Variants in CD101 observed in about 807,000 individuals in gnomAD.
CD101 encodes the protein immunoglobulin superfamily member 2.
A neutral mutation model predicts 98.2 loss-of-function variants in CD101; 76 were observed. That is an observed-to-expected ratio of 0.77 (90% CI 0.64 to 0.94). The LOEUF is 0.94. Ranked by LOEUF, CD101 falls within the 40% of genes least tolerant of loss-of-function variation. The pLI, the probability that CD101 is intolerant of heterozygous loss-of-function variation, is 0.00. For synonymous variants in CD101, 471 were observed against 472.7 expected (o/e 1.00, Z 0.05); for missense variants, 1,145 against 1,218.8 (o/e 0.94, Z 0.90).
intron 1 of CD101, among the ~76,000 whole-genome samples, chr1:117,007,284 C>T (rs867892648): frequency 2.0e-5 from 3 of 152,154 alleles, no homozygotes; most frequent in South Asian, 2.1e-4. Context: ...ACCCAGCCCG[C>T]AGTGTGCCCC....
chr1:117,027,836 C>T (rs1413764039), intron 8 of CD101, among the ~76,000 whole-genome samples: 1 of 152,182 alleles, frequency 6.6e-6, no homozygotes, highest in African/African-American at 2.4e-5. Context: ...GTAATCCCAG[C>T]ACTTTAGGAG....
In CD101 at chr1:117,012,468, CCA is replaced by C. The variant is rs1652947219; in HGVS notation, c.841+503_841+504del. 6.6e-6 allele frequency among the ~76,000 whole-genome samples: 1 copy of C among 152,220 alleles called. No individual in the cohort carries two copies. The highest frequency in any genetic ancestry group is 2.1e-4 in the South Asian group (1 of 4,830). ...CAGACAGCTGGGCCTCAAAGTAGCT[CCA>C]GTTTCCAACATGAAGCCTTGTCTTC... On this transcript the variant is annotated intron_variant, in intron 3 of 9. Coordinates refer to ENST00000682167, the MANE Select transcript of CD101 (RefSeq NM_001256106.3). The surrounding 1 kb of genome is among the most constrained non-coding windows in gnomAD (Gnocchi z 4.0).
Position 117,006,580 on chromosome 1 carries a change from C to T in CD101, c.44-3270C>T, listed in dbSNP as rs1471205781. Among the ~76,000 whole-genome samples the T allele has an allele frequency of 1.3e-5, 2 of 152,218 alleles. No individual in the cohort carries two copies. The highest frequency in any genetic ancestry group is 3.9e-4 in the East Asian group (2 of 5,180). On this transcript the variant is annotated intron_variant, in intron 1 of 9. Transcript: ENST00000682167. This position sits in a 1 kb window ranked among gnomAD's most constrained non-coding sequence, Gnocchi z 4.4. The stretch of plus-strand genomic sequence containing the variant: ...TTTTGAGTAAGTCTTTTGATTCCTA[C>T]TCAGAGTCTTGCCATGAAATCTCCT...
intron 8 of CD101, among the ~76,000 whole-genome samples, chr1:117,029,179 GA>G (rs1385777833): frequency 0.016 from 1,555 of 97,264 alleles, 97 homozygotes; most frequent in African/African-American, 0.041. Flanking sequence ...AAGAAAGAAA[GA>G]AAGAAAGAAA....
rs1557768150 is a variant in CD101, at chr1:117,013,454, G to C, written c.890G>C (p.Gly297Ala). Residue 297 changes from glycine to alanine, a missense_variant, in exon 4 of 10, where the codon GGG (glycine) becomes GCG (alanine). Coordinates refer to ENST00000682167, the MANE Select transcript of CD101 (RefSeq NM_001256106.3). ...NITADSLFAE[G>A]KPLELVCLVV... Reference sequence around the variant, plus strand: ...ACAGCTGACAGCTTGTTTGCTGAAGGGAAACCCTTAGAACTGGTTTGCCTG... The same window carrying C: ...ACAGCTGACAGCTTGTTTGCTGAAGCGAAACCCTTAGAACTGGTTTGCCTG... 6.2e-6 allele frequency: 10 copies of C among 1,612,764 alleles called. No homozygotes were observed. The highest frequency in any genetic ancestry group is 7.6e-6 in the Non-Finnish European group (9 of 1,179,372).
Position 117,018,098 on chromosome 1 carries a change from A to G in CD101, c.1613-58A>G. ...GAGGTGGCAACTAGAAAAACTTGAA[A>G]GTGCTATATTTTAATCTGGTAAATA... On this transcript the variant is annotated intron_variant, in intron 5 of 9. Transcript: ENST00000682167. This position sits in a 1 kb window ranked among gnomAD's most constrained non-coding sequence, Gnocchi z 4.3. 1 of 1,444,028 alleles carries G rather than the reference A, an allele frequency of 6.9e-7. No homozygotes were observed. The highest frequency in any genetic ancestry group is 9.3e-7 in the Non-Finnish European group (1 of 1,080,132). The allele number at this position is 1,444,028 out of a possible 1,614,324, so 89.5% of individuals were successfully genotyped here.
intron 8 of CD101, among the ~76,000 whole-genome samples, chr1:117,029,187 GAAA>G (rs1654186191): frequency 4.3e-5 from 4 of 92,844 alleles, no homozygotes; most frequent in Non-Finnish European, 6.3e-5. Context: ...AAGAAAGAAA[GAAA>G]GAAAGAAAGA....
chr1:117,017,565 G>T (rs895518521), intron 5 of CD101, 92 bp downstream of exon 5: 11 of 1,267,204 alleles, frequency 8.7e-6, no homozygotes, highest in Admixed American at 2.0e-5. Context: ...GAATCCCCCA[G>T]TGATGGTATG....
In CD101 at chr1:117,021,545, A is replaced by G. The variant is rs1228835930; in HGVS notation, c.2018-28A>G. ...ACCTTAACTTTCTATTTCATAGCAA[A>G]GTAACTGTTTCATTTTTTTAAATTT... is the stretch of plus-strand genomic sequence containing the variant. On this transcript the variant is annotated intron_variant, in intron 6 of 9. Transcript: ENST00000682167. This position sits in a 1 kb window ranked among gnomAD's most constrained non-coding sequence, Gnocchi z 4.7. 6.5e-7 allele frequency: 1 copy of G among 1,535,056 alleles called. No individual in the cohort carries two copies. The highest frequency in any genetic ancestry group is 1.4e-5 in the African/African-American group (1 of 72,082).
chr1:117,035,945 CAGAGAAT>C (rs1654795524), intron 9 of CD101, among the ~76,000 whole-genome samples: 1 of 152,070 alleles, frequency 6.6e-6, no homozygotes, highest in Admixed American at 6.5e-5. Context: ...TGAGCCTGGG[CAGAGAAT>C]CTTGGATGGA....
Position 117,011,962 on chromosome 1 carries a change from A to G in CD101, c.837A>G (p.Pro279=), listed in dbSNP as rs764920559. 1 of 1,609,974 alleles carries G rather than the reference A, an allele frequency of 6.2e-7. No homozygotes were observed. Among genetic ancestry groups the G allele is most frequent in the South Asian group, 1.1e-5 (1 of 90,872 alleles). The change falls in exon 3 of 10, where the codon CCA becomes CCG. Residue 279 remains proline, a synonymous_variant. Transcript: ENST00000682167. ...QTDQTTLRIQ[P]AVKDFQVNIT... is the part of the protein sequence containing the mutation. ...ATCAAACCACTCTGAGGATCCAGCCAGCAGGTAATTATCTTCCTACGAAAT... is the reference window on the plus strand; with the variant it reads ...ATCAAACCACTCTGAGGATCCAGCCGGCAGGTAATTATCTTCCTACGAAAT...
At position 117,019,186 on chromosome 1, in the gene CD101, C is replaced by T. The variant is rs116776505; in HGVS notation, c.2017+626C>T. 7.8e-3 allele frequency among the ~76,000 whole-genome samples: 1,192 copies of T among 152,254 alleles called. 9 individuals carry two copies. The highest frequency in any genetic ancestry group is 0.027 in the African/African-American group (1,126 of 41,540). ...TCTCTTAGGAAGAGTGATGGAGAGA[C>T]GTTGGAGTCATTTAGATCTGACAGT... On this transcript the variant is annotated intron_variant, in intron 6 of 9. Transcript: ENST00000682167. The surrounding 1 kb of genome is among the most constrained non-coding windows in gnomAD (Gnocchi z 4.3).
In CD101 at chr1:117,023,440, C is replaced by T. The variant is rs536222659; in HGVS notation, c.2428+1457C>T. ...CTTCTTCTTTTTCTTTTTTTTTAGA[C>T]GGAGTCTTGCTCTGTTGCTCAGGCT... On this transcript the variant is annotated intron_variant, in intron 7 of 9. Coordinates refer to ENST00000682167, the MANE Select transcript of CD101 (RefSeq NM_001256106.3). This position sits in a 1 kb window ranked among gnomAD's most constrained non-coding sequence, Gnocchi z 4.4. Among the ~76,000 whole-genome samples, 4 of 151,878 alleles carry T rather than the reference C, an allele frequency of 2.6e-5. No individual in the cohort carries two copies. The highest frequency in any genetic ancestry group is 2.1e-4 in the South Asian group (1 of 4,814).
chr1:117,033,764 T>C lies in CD101; in HGVS notation c.2825-96T>C, dbSNP rs998495836. 4 of 1,527,620 alleles carry C rather than the reference T, an allele frequency of 2.6e-6. No homozygotes were observed. Among genetic ancestry groups the C allele is most frequent in the African/African-American group, 1.4e-5 (1 of 72,722 alleles). 94.6% of individuals were successfully genotyped at this position (1,527,620 alleles called of 1,614,324 possible). On this transcript the variant is annotated intron_variant, in intron 8 of 9. Transcript: ENST00000682167. This position sits in a 1 kb window ranked among gnomAD's most constrained non-coding sequence, Gnocchi z 4.8. ...TATTTGGCCCCATTATTTTTACATA[T>C]ACTTGCCTATAACAATAAATCCCAG... is the stretch of plus-strand genomic sequence containing the variant.
intron 8 of CD101, among the ~76,000 whole-genome samples, chr1:117,029,797 A>G (rs904632815): frequency 4.6e-5 from 7 of 152,196 alleles, no homozygotes; most frequent in African/African-American, 1.7e-4. Context: ...TTTTAGGGCC[A>G]CACAATAGGA....
Position 117,010,007 on chromosome 1 carries a change from C to T in CD101, c.201C>T (p.Thr67=), listed in dbSNP as rs1553185170. The T allele has an allele frequency of 6.2e-7, 1 of 1,614,176 alleles. No individual in the cohort carries two copies. The highest frequency in any genetic ancestry group is 8.5e-7 in the Non-Finnish European group (1 of 1,180,032). ...CTGTTTACCTGCCGACAAACCCGAC[C>T]CAGGAAGTCCAGATCATTAGCACCA... ...QWSVYLPTNP[T]QEVQIISTKD... is the part of the protein sequence containing the mutation. The change falls in exon 2 of 10, where the codon ACC becomes ACT. Residue 67 remains threonine (T), a synonymous_variant. Coordinates refer to ENST00000682167, the MANE Select transcript of CD101 (RefSeq NM_001256106.3). This position sits in a 1 kb window ranked among gnomAD's most constrained non-coding sequence, Gnocchi z 5.2.
In CD101 at chr1:117,006,578, T is replaced by TA. The variant is rs1396488782; in HGVS notation, c.44-3271dup. On this transcript the variant is annotated intron_variant, in intron 1 of 9. Transcript: ENST00000682167. The surrounding 1 kb of genome is among the most constrained non-coding windows in gnomAD (Gnocchi z 4.4). ...AATTTTGAGTAAGTCTTTTGATTCCTACTCAGAGTCTTGCCATGAAATCTC... is the reference window on the plus strand; with the variant it reads ...AATTTTGAGTAAGTCTTTTGATTCCTAACTCAGAGTCTTGCCATGAAATCTC... Among the ~76,000 whole-genome samples, 1 of 152,164 alleles carries TA rather than the reference T, an allele frequency of 6.6e-6. No homozygotes were observed. The highest frequency in any genetic ancestry group is 2.4e-5 in the African/African-American group (1 of 41,428).
In CD101 at chr1:117,019,310, A is replaced by G. The variant is rs1042102031; in HGVS notation, c.2017+750A>G. 3.3e-5 allele frequency among the ~76,000 whole-genome samples: 5 copies of G among 152,210 alleles called. No homozygotes were observed. Among genetic ancestry groups the G allele is most frequent in the Non-Finnish European group, 5.9e-5 (4 of 68,042 alleles). ...TAATGTGCAATTTAAATATGGTGACATATATAACATGCCGAGTACCTGACA... is the reference window on the plus strand; with the variant it reads ...TAATGTGCAATTTAAATATGGTGACGTATATAACATGCCGAGTACCTGACA... On this transcript the variant is annotated intron_variant, in intron 6 of 9. Coordinates refer to ENST00000682167, the MANE Select transcript of CD101 (RefSeq NM_001256106.3). This position sits in a 1 kb window ranked among gnomAD's most constrained non-coding sequence, Gnocchi z 4.3.
intron 1 of CD101, among the ~76,000 whole-genome samples, chr1:117,002,725 C>T (rs1652305069): frequency 6.6e-6 from 1 of 152,120 alleles, no homozygotes; most frequent in African/African-American, 2.4e-5. Context: ...TTATTTGCTT[C>T]TTATTTATGC....
Sources: allele counts gnomAD v4.1 joint callset (sites outside exome capture counted in the v4.1 genomes callset), GRCh38; gene constraint gnomAD v4.1.1; non-coding constraint Gnocchi (gnomAD v3.1); transcripts MANE v1.5; gene names NCBI Gene and HGNC (gene_info 2026-07-23, HGNC 2026-07-21).